The following SLC25A21 variants were observed in gnomAD, a reference collection of about 807,000 sequenced individuals.
SLC25A21 encodes the protein mitochondrial 2-oxodicarboxylate carrier.
Under a neutral mutation model 43.8 loss-of-function variants are expected in SLC25A21, and 47 were observed. That is an observed-to-expected ratio of 1.07 (90% confidence interval 0.85 to 1.37). The LOEUF (loss-of-function observed/expected upper bound fraction) is 1.37. Among genes scored for constraint, SLC25A21 ranks in the 40% most tolerant of loss-of-function variants. The pLI is 0.00. For missense variants in SLC25A21, 352 were observed against 350.2 expected (o/e 1.00, Z -0.04); for synonymous variants, 131 against 121.3 (o/e 1.08, Z -0.52).
At chr14:36,721,479 G>C (rs1420942887) in intron 6 of SLC25A21, among the ~76,000 whole-genome samples, 1 of 152,184 alleles carries the variant, frequency 6.6e-6, no homozygotes, top group African/African-American at 2.4e-5. Flanking sequence ...TTTTACCAAT[G>C]AGGGAACTGC....
intron 1 of SLC25A21, among the ~76,000 whole-genome samples, chr14:36,934,263 T>C (rs1198825904): frequency 6.6e-6 from 1 of 152,072 alleles, no homozygotes; most frequent in African/African-American, 2.4e-5. Context: ...TACTATTGAC[T>C]ATAATCCAGG....
chr14:37,144,848 G>A (rs1187182266), intron 1 of SLC25A21, among the ~76,000 whole-genome samples: 5 of 151,928 alleles, frequency 3.3e-5, no homozygotes, highest in African/African-American at 1.2e-4. Context: ...GCCCATGCTG[G>A]TCTTGAATTC....
chr14:37,018,287 T>A (rs1217383578), intron 1 of SLC25A21, among the ~76,000 whole-genome samples: 1 of 152,066 alleles, frequency 6.6e-6, no homozygotes, highest in Admixed American at 6.6e-5. Flanking sequence ...GAGCTACTGA[T>A]CTTTCCCTCA....
intron 1 of SLC25A21, among the ~76,000 whole-genome samples, chr14:37,111,210 A>C (rs1254949618): frequency 6.6e-6 from 1 of 152,032 alleles, no homozygotes; most frequent in Non-Finnish European, 1.5e-5. Context: ...CAACCTGTTA[A>C]ACTGATAAAA....
chr14:36,715,648 G>A (rs915547728), intron 6 of SLC25A21, among the ~76,000 whole-genome samples: 1 of 152,188 alleles, frequency 6.6e-6, no homozygotes, highest in African/African-American at 2.4e-5. Context: ...TAAGTGGATT[G>A]GGATGAGACT....
At chr14:36,921,994 A>C (rs1486575374) in intron 1 of SLC25A21, among the ~76,000 whole-genome samples, 1 of 151,638 alleles carries the variant, frequency 6.6e-6, no homozygotes, top group Non-Finnish European at 1.5e-5. Flanking sequence ...AAAATACAAA[A>C]ATTAGCCAGG....
chr14:36,773,322 A>G lies in SLC25A21; in HGVS notation c.204-38749T>C, dbSNP rs1886695781. 3.3e-5 allele frequency among the ~76,000 whole-genome samples: 5 copies of G among 152,306 alleles called. No homozygotes were observed. In the South Asian group the frequency reaches 1.0e-3, roughly 32 times the overall value. On this transcript the variant is annotated intron_variant, in intron 3 of 9. Coordinates refer to ENST00000331299, the MANE Select transcript of SLC25A21 (RefSeq NM_030631.4). ...GGGCCTGCCATCTAGGGCATCTCAC[A>G]TTACCAAAGCCATATCAATTAACAT...
chr14:36,706,816 C>G (rs1306398635), intron 7 of SLC25A21, among the ~76,000 whole-genome samples: 1 of 152,152 alleles, frequency 6.6e-6, no homozygotes, highest in Non-Finnish European at 1.5e-5. Flanking sequence ...AAGACCCCAC[C>G]ACTTTGTATT....
Position 37,040,373 on chromosome 14 carries a change from G to GAGAGAAAGAA in SLC25A21, c.70+131907_70+131908insTTCTTTCTCT, listed in dbSNP as rs1384086757. On this transcript the variant is annotated intron_variant, in intron 1 of 9. Transcript: ENST00000331299. The stretch of plus-strand genomic sequence containing the variant: ...GGAAGGAAAGAAAGAGAGAGAGAGA[G>GAGAGAAAGAA]AGAAAGAAAGAAAGAAAGAAAGAAA... Among the ~76,000 whole-genome samples, 21 of 20,942 alleles carry GAGAGAAAGAA rather than the reference G, an allele frequency of 1.0e-3. 1 individual carries two copies. Among genetic ancestry groups the GAGAGAAAGAA allele is most frequent in the African/African-American group, 1.8e-3 (2 of 1,108 alleles). 13.7% of individuals were successfully genotyped at this position (20,942 alleles called of 152,430 possible).
At chr14:37,138,715 C>A (rs557326354) in intron 1 of SLC25A21, among the ~76,000 whole-genome samples, 49 of 151,986 alleles carry the variant, frequency 3.2e-4, no homozygotes, top group African/African-American at 1.1e-3. Context: ...TTTATGAGCT[C>A]CTTAAAAATC....
chr14:36,942,843 A>C (rs1892597489), intron 1 of SLC25A21, among the ~76,000 whole-genome samples: 1 of 152,170 alleles, frequency 6.6e-6, no homozygotes, highest in African/African-American at 2.4e-5. Flanking sequence ...TTATACACTA[A>C]ATTTGGAGTT....
intron 3 of SLC25A21, among the ~76,000 whole-genome samples, chr14:36,738,162 T>C (rs1357981122): frequency 6.6e-6 from 1 of 152,024 alleles, no homozygotes; most frequent in Non-Finnish European, 1.5e-5. Flanking sequence ...ACCAGAAGAG[T>C]CACATATAAA....
intron 7 of SLC25A21, among the ~76,000 whole-genome samples, chr14:36,686,838 CAA>C (rs1882574533): frequency 6.6e-6 from 1 of 152,162 alleles, no homozygotes; most frequent in African/African-American, 2.4e-5. Context: ...GGAAGGTGAA[CAA>C]AGAGACTCAA....
At chr14:37,159,627 G>T (rs1963906070) in intron 1 of SLC25A21, among the ~76,000 whole-genome samples, 1 of 152,014 alleles carries the variant, frequency 6.6e-6, no homozygotes, top group Non-Finnish European at 1.5e-5. Context: ...AAAAATACTA[G>T]AAGAAAACCT....
intron 3 of SLC25A21, among the ~76,000 whole-genome samples, chr14:36,779,605 T>TATAC (rs1195856664): frequency 4.5e-5 from 2 of 44,250 alleles, no homozygotes; most frequent in Non-Finnish European, 8.1e-5. Context: ...TGTATATGTG[T>TATAC]ATACATATAT....
At chr14:36,856,640 T>C (rs1013847513) in intron 2 of SLC25A21, among the ~76,000 whole-genome samples, 1 of 152,122 alleles carries the variant, frequency 6.6e-6, no homozygotes, top group Non-Finnish European at 1.5e-5. Context: ...GCCAGACACA[T>C]GTGTGAGTGA....
At chr14:36,958,080 G>A (rs1959388890) in intron 1 of SLC25A21, among the ~76,000 whole-genome samples, 1 of 151,374 alleles carries the variant, frequency 6.6e-6, no homozygotes. Flanking sequence ...TTTTTTTTTA[G>A]CTCAACCATT....
At chr14:37,008,446 T>C (rs1960657150) in intron 1 of SLC25A21, among the ~76,000 whole-genome samples, 1 of 152,160 alleles carries the variant, frequency 6.6e-6, no homozygotes, top group South Asian at 2.1e-4. Context: ...GTTCCAGCCA[T>C]TGCAATAGAG....
chr14:37,099,519 G>A (rs1962775862), intron 1 of SLC25A21, among the ~76,000 whole-genome samples: 1 of 152,066 alleles, frequency 6.6e-6, no homozygotes, highest in African/African-American at 2.4e-5. Flanking sequence ...AATGGAATTT[G>A]AACTCCAGAA....
Sources: allele counts gnomAD v4.1 joint callset (sites outside exome capture counted in the v4.1 genomes callset), GRCh38; gene constraint gnomAD v4.1.1; transcripts MANE v1.5; gene names NCBI Gene and HGNC (gene_info 2026-07-23, HGNC 2026-07-21).